KCND3: variants seen among roughly 807,000 people sequenced by gnomAD.
KCND3 encodes the protein A-type voltage-gated potassium channel KCND3.
A neutral mutation model predicts 51.1 loss-of-function variants in KCND3; 9 were observed. The ratio of observed to expected loss-of-function variants is 0.18; its 90% CI spans 0.11 to 0.31. The LOEUF (loss-of-function observed/expected upper bound fraction) is 0.31. Among genes scored for constraint, KCND3 ranks in the 10% least tolerant of loss-of-function variants. The pLI is 1.00. For synonymous variants in KCND3, 349 were observed against 368.0 expected (o/e 0.95, Z 0.59); for missense variants, 526 against 903.8 (o/e 0.58, Z 5.36).
Position 111,773,703 on chromosome 1 carries a change from G to A in KCND3, c.*2374C>T, listed in dbSNP as rs1430847641. ...CCCAAAGTGCTGGGATTACAGATGT[G>A]AGCCACCGCGCCCAGCCCTATTTAC... On this transcript the variant is annotated 3_prime_UTR_variant, in exon 8 of 8. Transcript: ENST00000302127. 6.6e-6 allele frequency: 1 copy of A among 152,054 alleles called. No individual in the cohort carries two copies. The highest frequency in any genetic ancestry group is 1.5e-5 in the Non-Finnish European group (1 of 68,032). 9.4% of individuals were successfully genotyped at this position (152,054 alleles called of 1,614,324 possible). A position where few individuals can be genotyped will look rare whatever the true frequency, so the allele number is the denominator to read the frequency against.
At position 111,774,427 on chromosome 1, in the gene KCND3, A is replaced by G. The variant is rs1664029558; in HGVS notation, c.*1650T>C. 6.6e-6 allele frequency: 1 copy of G among 152,232 alleles called. No homozygotes were observed. Among genetic ancestry groups the G allele is most frequent in the Non-Finnish European group, 1.5e-5 (1 of 68,072 alleles). The allele number at this position is 152,232 out of a possible 1,614,324, so 9.4% of individuals were successfully genotyped here. A position where few individuals can be genotyped will look rare whatever the true frequency, so the allele number is the denominator to read the frequency against. On this transcript the variant is annotated 3_prime_UTR_variant, in exon 8 of 8. Transcript: ENST00000302127. The stretch of plus-strand genomic sequence containing the variant: ...GGACTTGTCACTAACCCTGAGGCCC[A>G]CCTACTCTGCTACAAGCAGTGAACA...
chr1:111,833,229 A>T (rs1666921344), intron 2 of KCND3, among the ~76,000 whole-genome samples: 1 of 152,248 alleles, frequency 6.6e-6, no homozygotes, highest in Admixed American at 6.5e-5. Flanking sequence ...TGCTAGAGAT[A>T]CTAAGGGCCC....
At chr1:111,890,732 G>A (rs1235349866) in intron 2 of KCND3, among the ~76,000 whole-genome samples, 1 of 152,202 alleles carries the variant, frequency 6.6e-6, no homozygotes, top group Non-Finnish European at 1.5e-5. Flanking sequence ...AAGCCAGCAA[G>A]AGACTGATAA....
At chr1:111,885,913 C>T (rs1669550586) in intron 2 of KCND3, among the ~76,000 whole-genome samples, 2 of 152,134 alleles carry the variant, frequency 1.3e-5, no homozygotes, top group African/African-American at 4.8e-5. Context: ...CCTCGTGATC[C>T]ACCTGCCTCG....
chr1:111,970,704 A>G (rs899884734), intron 2 of KCND3, among the ~76,000 whole-genome samples: 3 of 152,206 alleles, frequency 2.0e-5, no homozygotes, highest in Non-Finnish European at 4.4e-5. Context: ...CAGTAATGCT[A>G]CTACCATGTG....
intron 3 of KCND3, among the ~76,000 whole-genome samples, chr1:111,783,082 G>T (rs1177429489): frequency 6.6e-6 from 1 of 151,644 alleles, no homozygotes; most frequent in Non-Finnish European, 1.5e-5. Context: ...TGCTTATACT[G>T]CCACTGTAAT....
chr1:111,988,362 C>T (rs1571951759), intron 1 of KCND3, among the ~76,000 whole-genome samples: 1 of 152,142 alleles, frequency 6.6e-6, no homozygotes, highest in African/African-American at 2.4e-5. Context: ...AGGGCACTTT[C>T]CTGAACTCTT....
chr1:111,917,603 A>G (rs1201225719), intron 2 of KCND3, among the ~76,000 whole-genome samples: 1 of 152,192 alleles, frequency 6.6e-6, no homozygotes, highest in Non-Finnish European at 1.5e-5. Context: ...CCATTGGAAG[A>G]CGGGGAAAAA....
At chr1:111,911,987 T>A (rs1350807824) in intron 2 of KCND3, among the ~76,000 whole-genome samples, 1 of 152,066 alleles carries the variant, frequency 6.6e-6, no homozygotes. Flanking sequence ...GCAGCTAGAG[T>A]GTGCAGGCAC....
intron 3 of KCND3, among the ~76,000 whole-genome samples, chr1:111,784,109 A>T (rs901493362): frequency 1.4e-3 from 200 of 145,870 alleles, no homozygotes; most frequent in African/African-American, 5.0e-3. Context: ...CTTATCACAC[A>T]CACACACACA....
At chr1:111,984,490 C>T (rs779970085) in intron 1 of KCND3, among the ~76,000 whole-genome samples, 3 of 152,182 alleles carry the variant, frequency 2.0e-5, no homozygotes, top group Non-Finnish European at 4.4e-5. Flanking sequence ...CCCAAACTCC[C>T]TCTGGCCTCC....
At chr1:111,883,697 C>T (rs771034612) in intron 2 of KCND3, among the ~76,000 whole-genome samples, 28 of 152,344 alleles carry the variant, frequency 1.8e-4, no homozygotes, top group Middle Eastern at 3.4e-3. Flanking sequence ...TTCTTCAAAA[C>T]ACTTTCAACC....
chr1:111,817,017 G>A (rs866089314), intron 2 of KCND3, among the ~76,000 whole-genome samples: 16 of 152,108 alleles, frequency 1.1e-4, no homozygotes, highest in African/African-American at 3.6e-4. Context: ...TCAATATTTT[G>A]GGGGTACAGG....
rs752589615 is a variant in KCND3, at chr1:111,776,126, G to A, written c.1919C>T (p.Thr640Met). ...ATTGCTGGCTATGGAAGGAATGTTC[G>A]TGTTGGGGCCTGGGCTGGCAGGGGG... The part of the protein sequence containing the change: ...RPPPASPGPN[T>M]NIPSIASNVV... The change falls in exon 8 of 8, where the codon ACG becomes ATG. Residue 640 changes from threonine to methionine, a missense_variant. By Grantham distance (81) the Thr-to-Met change is moderately conservative (BLOSUM62 -1). This residue lies in a region of KCND3 where 266 missense variants were observed against 305.5 expected (regional missense o/e 0.87). Coordinates refer to ENST00000302127, the MANE Select transcript of KCND3 (RefSeq NM_001378969.1). The A allele has an allele frequency of 2.2e-5, 35 of 1,614,230 alleles. No homozygotes were observed. Among genetic ancestry groups the A allele is most frequent in the Admixed American group, 1.7e-4 (10 of 60,032 alleles).
intron 2 of KCND3, among the ~76,000 whole-genome samples, chr1:111,939,346 A>G (rs1319435126): frequency 6.6e-6 from 1 of 152,110 alleles, no homozygotes; most frequent in African/African-American, 2.4e-5. Context: ...TGTCATCTAT[A>G]TTAGGTATTT....
At position 111,927,593 on chromosome 1, in the gene KCND3, C is replaced by T. The variant is rs61788924; in HGVS notation, c.1106+54028G>A. On this transcript the variant is annotated intron_variant, in intron 2 of 7. Coordinates refer to ENST00000302127, the MANE Select transcript of KCND3 (RefSeq NM_001378969.1). ...ACTTTCCAGGATGAAATGTGAGTGACAATGCTTATATGCATTTCTCTCTTT... is the reference window on the plus strand; with the variant it reads ...ACTTTCCAGGATGAAATGTGAGTGATAATGCTTATATGCATTTCTCTCTTT... 8.8e-3 allele frequency among the ~76,000 whole-genome samples: 1,346 copies of T among 152,328 alleles called. 11 individuals are homozygous for T. Among genetic ancestry groups the T allele is most frequent in the Non-Finnish European group, 0.014 (953 of 68,020 alleles).
intron 2 of KCND3, among the ~76,000 whole-genome samples, chr1:111,915,438 T>C (rs535813923): frequency 6.1e-4 from 92 of 151,990 alleles, no homozygotes; most frequent in Non-Finnish European, 1.0e-3. Context: ...AAAAAAGATA[T>C]ACCAAGAAAA....
At chr1:111,819,551 C>A (rs1454472836) in intron 2 of KCND3, among the ~76,000 whole-genome samples, 1 of 152,200 alleles carries the variant, frequency 6.6e-6, no homozygotes, top group African/African-American at 2.4e-5. Flanking sequence ...AGCTCACCAG[C>A]AGCCTGACTG....
chr1:111,942,479 G>T (rs1000810004), intron 2 of KCND3, among the ~76,000 whole-genome samples: 9 of 152,232 alleles, frequency 5.9e-5, no homozygotes, highest in African/African-American at 1.7e-4. Context: ...CCTCAAGGTT[G>T]CTCTGCTTTG....
Sources: gnomAD v4.1 joint callset for allele counts (sites outside exome capture counted in the v4.1 genomes callset) on GRCh38, gnomAD v4.1.1 for gene constraint, gnomAD v4.1.1 regional missense constraint, MANE v1.5 for transcripts, NCBI Gene and HGNC (gene_info 2026-07-23, HGNC 2026-07-21) for gene names.